FAT2: variants seen among roughly 807,000 people sequenced by gnomAD.
The protein encoded by FAT2 is FAT atypical cadherin 2, also known as protocadherin Fat 2.
A neutral mutation model predicts 295.3 loss-of-function variants in FAT2; 150 were observed. That is an observed-to-expected ratio of 0.51 (90% CI 0.44 to 0.58). The LOEUF is 0.58. Among genes scored for constraint, FAT2 ranks in the 20% least tolerant of loss-of-function variants. The probability of loss-of-function intolerance (pLI) is 0.00; values close to 1 mark genes in which losing one functional copy is unlikely to be tolerated. For synonymous variants in FAT2, 2,026 were observed against 2,150.3 expected, an observed-to-expected ratio of 0.94 and a Z score of 1.60; for missense variants, 4,868 against 5,442.7, an observed-to-expected ratio of 0.89 and a Z score of 3.32.
intron 12 of FAT2, among the ~76,000 whole-genome samples, 161 bp from the exon 13 acceptor site, chr5:151,534,803 C>T (rs1327079684): frequency 6.6e-6 from 1 of 151,776 alleles, no homozygotes; most frequent in Non-Finnish European, 1.5e-5. Flanking sequence ...TGTATCCCCC[C>T]ATACCCATTC....
chr5:151,568,406 C>T lies in FAT2; in HGVS notation c.526G>A (p.Asp176Asn). Reference protein sequence around the residue: ...PICKVTATDADLGQNAEFYYA... With the variant: ...PICKVTATDANLGQNAEFYYA... ...TAGAACTCAGCATTCTGGCCTAGAT[C>T]AGCATCTGTGGCAGTCACCTTGCAG... is the stretch of plus-strand genomic sequence containing the variant. The change falls in exon 2 of 24, where the codon GAT becomes AAT. Residue 176 changes from aspartate to asparagine, a missense_variant. Transcript: ENST00000261800. 1.2e-6 allele frequency: 2 copies of T among 1,614,212 alleles called. No individual in the cohort carries two copies. The highest frequency in any genetic ancestry group is 8.5e-7 in the Non-Finnish European group (1 of 1,180,042).
Position 151,521,909 on chromosome 5 carries a change from C to T in FAT2, c.10684G>A (p.Asp3562Asn). 6.2e-7 allele frequency: 1 copy of T among 1,613,896 alleles called. No homozygotes were observed. Among genetic ancestry groups the T allele is most frequent in the Non-Finnish European group, 8.5e-7 (1 of 1,179,802 alleles). ...KIHATDRDPQ[D>N]TLTYSLAEEE... is the part of the protein sequence containing the mutation. The stretch of plus-strand genomic sequence containing the variant: ...TCTGCCAGGCTATAGGTCAGCGTGT[C>T]CTGGGGGTCTCGGTCTGTGGCATGG... Residue 3562 changes from aspartate (D) to asparagine (N), a missense_variant, in exon 19 of 24, where the codon GAC becomes AAC. Physicochemically the swap from Asp to Asn is conservative, Grantham distance 23. Coordinates refer to ENST00000261800, the MANE Select transcript of FAT2 (RefSeq NM_001447.3).
Position 151,544,715 on chromosome 5 carries a change from T to C in FAT2, c.6412A>G (p.Lys2138Glu). The change falls in exon 10 of 24, where the codon AAA (lysine) becomes GAA (glutamate). Residue 2138 changes from lysine to glutamate, a missense_variant. This residue lies in a region of FAT2 where 3,297 missense variants were observed against 3,669.4 expected (regional missense o/e 0.90). Coordinates refer to ENST00000261800, the MANE Select transcript of FAT2 (RefSeq NM_001447.3). ...KKPFDYQALN[K>E]YHLKVIARDG... ...CGAGCAATGACTTTGAGGTGATATTTATTTAAAGCTTGATAATCAAAGGGT... is the reference window on the plus strand; with the variant it reads ...CGAGCAATGACTTTGAGGTGATATTCATTTAAAGCTTGATAATCAAAGGGT... 2 of 1,614,210 alleles carry C rather than the reference T, an allele frequency of 1.2e-6. No homozygotes were observed. The highest frequency in any genetic ancestry group is 3.3e-4 in the Middle Eastern group (2 of 6,062).
intron 1 of FAT2, among the ~76,000 whole-genome samples, chr5:151,578,183 G>C (rs1379981731): frequency 6.6e-6 from 1 of 152,198 alleles, no homozygotes; most frequent in East Asian, 1.9e-4. Context: ...GGACTAGAAA[G>C]CTTCTTTCAG....
intron 12 of FAT2, among the ~76,000 whole-genome samples, chr5:151,534,958 C>T (rs1047270191): frequency 2.2e-5 from 2 of 90,530 alleles, no homozygotes; most frequent in African/African-American, 3.8e-5. Flanking sequence ...TTCGTAATTC[C>T]ACTTCTAGGA....
At chr5:151,549,946 A>C (rs913475869) in intron 8 of FAT2, among the ~76,000 whole-genome samples, 1 of 152,210 alleles carries the variant, frequency 6.6e-6, no homozygotes, top group African/African-American at 2.4e-5. Flanking sequence ...AGAGGATGAT[A>C]AATTAGCACA....
At chr5:151,537,382 CAACGA>C (rs1755534421) in intron 12 of FAT2, among the ~76,000 whole-genome samples, 5 of 110,314 alleles carry the variant, frequency 4.5e-5, no homozygotes, top group African/African-American at 1.8e-4. Flanking sequence ...AAACAACGAA[CAACGA>C]AAGGAAAGGA....
At chr5:151,582,474 C>G (rs1369828796) in intron 1 of FAT2, among the ~76,000 whole-genome samples, 3 of 152,154 alleles carry the variant, frequency 2.0e-5, no homozygotes, top group African/African-American at 7.2e-5. Context: ...CAGCCCTACC[C>G]CAGAGCTACT....
chr5:151,514,372 A>G (rs142335661), intron 20 of FAT2, among the ~76,000 whole-genome samples: 51 of 152,220 alleles, frequency 3.4e-4, no homozygotes, highest in African/African-American at 1.2e-3. Context: ...CTCCTTATCC[A>G]GTTTAAGTTC....
Position 151,567,861 on chromosome 5 carries a change from C to T in FAT2, c.1071G>A (p.Leu357=). ...IRGFHLPPSK[L]SSLKFEKAVY... is the part of the protein sequence containing the mutation. ...CAGCCTTCTCGAATTTGAGGGAAGA[C>T]AGTTTGGAAGGTGGTAGGTGAAAGC... Residue 357 remains leucine (L), a synonymous_variant, in exon 2 of 24, where the codon CTG becomes CTA. Coordinates refer to ENST00000261800, the MANE Select transcript of FAT2 (RefSeq NM_001447.3). 1.2e-6 allele frequency: 2 copies of T among 1,614,106 alleles called. No homozygotes were observed. Among genetic ancestry groups the T allele is most frequent in the Non-Finnish European group, 1.7e-6 (2 of 1,180,024 alleles).
intron 1 of FAT2, among the ~76,000 whole-genome samples, chr5:151,581,724 G>T (rs996466580): frequency 2.0e-5 from 3 of 152,220 alleles, no homozygotes; most frequent in Admixed American, 1.3e-4. Context: ...TATGGGCCAA[G>T]CCAGGATAAA....
chr5:151,531,988 G>GGTGT lies in FAT2; in HGVS notation c.9428-22_9428-19dup, dbSNP rs762442000. 6.2e-7 allele frequency: 1 copy of GGTGT among 1,613,048 alleles called. No individual in the cohort carries two copies. Among genetic ancestry groups the GGTGT allele is most frequent in the South Asian group, 1.1e-5 (1 of 90,928 alleles). Reference sequence around the variant, plus strand: ...ATTGGCGCCTGGCAGGGAGACCAAGGGTGTGATCCACACTGAGGGCGCCTC... The same window carrying GGTGT: ...ATTGGCGCCTGGCAGGGAGACCAAGGGTGTGTGTGATCCACACTGAGGGCGCCTC... On this transcript the variant is annotated intron_variant, in intron 13 of 23. Coordinates refer to ENST00000261800, the MANE Select transcript of FAT2 (RefSeq NM_001447.3). The surrounding 1 kb of genome is among the most constrained non-coding windows in gnomAD (Gnocchi z 5.7).
chr5:151,529,145 T>G, intron 15 of FAT2, 33 bp downstream of exon 15: 1 of 1,596,786 alleles, frequency 6.3e-7, no homozygotes, highest in African/African-American at 1.3e-5. Flanking sequence ...CCAGAGTTCT[T>G]GTCCCACAAA....
At position 151,544,677 on chromosome 5, in the gene FAT2, C is replaced by T. The variant is rs372798111; in HGVS notation, c.6450G>A (p.Thr2150=). Residue 2150 remains threonine, a synonymous_variant, in exon 10 of 24, where the codon ACG becomes ACA. Coordinates refer to ENST00000261800, the MANE Select transcript of FAT2 (RefSeq NM_001447.3). ...CCTCTTCCTCACTCTGGAGGGATGG[C>T]GTTCCTCCATCCCGAGCAATGACTT... The part of the protein sequence containing the change: ...HLKVIARDGG[T]PSLQSEEEVL... 9.9e-6 allele frequency: 16 copies of T among 1,613,696 alleles called. No homozygotes were observed. Among genetic ancestry groups the T allele is most frequent in the South Asian group, 2.2e-5 (2 of 91,084 alleles).
At chr5:151,536,651 A>G (rs543353627) in intron 12 of FAT2, among the ~76,000 whole-genome samples, 2 of 152,142 alleles carry the variant, frequency 1.3e-5, no homozygotes. Context: ...ACTCTGCTCT[A>G]TCTCTTGGCT....
rs773437747 is a variant in FAT2, at chr5:151,545,430, T to G, written c.5697A>C (p.Glu1899Asp). 6 of 1,614,062 alleles carry G rather than the reference T, an allele frequency of 3.7e-6. No individual in the cohort carries two copies. Among genetic ancestry groups the G allele is most frequent in the Non-Finnish European group, 5.1e-6 (6 of 1,180,026 alleles). The change falls in exon 10 of 24, where the codon GAA becomes GAC. Residue 1899 changes from glutamate to aspartate, a missense_variant. Physicochemically the swap from Glu to Asp is conservative, Grantham distance 45 (BLOSUM62 2). Transcript: ENST00000261800. ...MELLMVRASDEDSEVNYSIKT... is the reference protein window; with the variant it reads ...MELLMVRASDDDSEVNYSIKT... The stretch of plus-strand genomic sequence containing the variant: ...TGATGCTATAATTGACTTCTGAGTC[T>G]TCATCGCTGGCCCGCACCATGAGAA...
Position 151,516,872 on chromosome 5 carries a change from G to A in FAT2, c.11463+748C>T, listed in dbSNP as rs560229363. On this transcript the variant is annotated intron_variant, in intron 20 of 23. Transcript: ENST00000261800. ...TGTAATCCTAGCACTTTGGGATGCC[G>A]AGGCAGGCGGATCACCTGAGGTCAG... is the stretch of plus-strand genomic sequence containing the variant. Among the ~76,000 whole-genome samples the A allele has an allele frequency of 7.2e-5, 11 of 152,190 alleles. No individual in the cohort carries two copies. In the East Asian group the frequency reaches 7.8e-4, roughly 11 times the overall value.
At position 151,512,607 on chromosome 5, in the gene FAT2, C is replaced by A; in HGVS notation, c.11464-1G>T. 1 of 1,593,762 alleles carries A rather than the reference C, an allele frequency of 6.3e-7. No homozygotes were observed. Among genetic ancestry groups the A allele is most frequent in the Non-Finnish European group, 8.6e-7 (1 of 1,168,128 alleles). ...CCAGCTGGGGCACTCCACTGGCCAG[C>A]TGCAAAGGAAATCCAAACAGCCATC... On this transcript the variant is annotated splice_acceptor_variant, in intron 20 of 23. Transcript: ENST00000261800. LOFTEE classifies it high-confidence loss of function. This position sits in a 1 kb window ranked among gnomAD's most constrained non-coding sequence, Gnocchi z 4.1.
At chr5:151,522,174 T>C in intron 18 of FAT2, 88 bp from the exon 19 acceptor site, 1 of 1,095,914 alleles carries the variant, frequency 9.1e-7, no homozygotes, top group Non-Finnish European at 1.3e-6. Context: ...TGGAGCTACG[T>C]TTCTCTGCCC....
Sources: allele counts gnomAD v4.1 joint callset (sites outside exome capture counted in the v4.1 genomes callset), GRCh38; gene constraint gnomAD v4.1.1; regional missense constraint gnomAD v4.1.1; non-coding constraint Gnocchi (gnomAD v3.1); transcripts MANE v1.5; gene names NCBI Gene and HGNC (gene_info 2026-07-23, HGNC 2026-07-21).